Variants in DDX10 observed in about 807,000 individuals in gnomAD.
DDX10 encodes the protein DEAD-box helicase 10, also known as probable ATP-dependent RNA helicase DDX10.
A neutral mutation model predicts 104.3 loss-of-function variants in DDX10; 74 were observed. The ratio of observed to expected loss-of-function variants is 0.71; its 90% CI spans 0.59 to 0.86. The LOEUF (loss-of-function observed/expected upper bound fraction) is 0.86. Among genes scored for constraint, DDX10 ranks in the 40% least tolerant of loss-of-function variants. DDX10 has a pLI of 0.00. For missense variants in DDX10, 952 were observed against 1,040.0 expected (o/e 0.92, Z 1.16); for synonymous variants, 351 against 353.4 (o/e 0.99, Z 0.08).
intron 16 of DDX10, among the ~76,000 whole-genome samples, chr11:108,881,500 T>A (rs1863227009): frequency 6.6e-6 from 1 of 152,186 alleles, no homozygotes; most frequent in South Asian, 2.1e-4. Context: ...AACTTAAAGA[T>A]GGTTTGACTT....
intron 13 of DDX10, among the ~76,000 whole-genome samples, chr11:108,813,893 T>C (rs554953854): frequency 6.6e-6 from 1 of 152,322 alleles, no homozygotes; most frequent in South Asian, 2.1e-4. Flanking sequence ...TTTTGGTCTT[T>C]CTGTTTCATT....
rs569814773 is a variant in DDX10, at chr11:108,940,852, A to G, written c.*429A>G. On this transcript the variant is annotated 3_prime_UTR_variant, in exon 18 of 18. Coordinates refer to ENST00000322536, the MANE Select transcript of DDX10 (RefSeq NM_004398.4). ...ATTTAATATTTTCAAAGAGACTATGATGGACCAGCCCTGAGAAAGAATGAG... is the reference window on the plus strand; with the variant it reads ...ATTTAATATTTTCAAAGAGACTATGGTGGACCAGCCCTGAGAAAGAATGAG... 2.3e-5 allele frequency: 5 copies of G among 213,678 alleles called. No homozygotes were observed. The East Asian group carries it at 3.5e-4, about 15-fold the overall frequency. 13.2% of individuals were successfully genotyped at this position (213,678 alleles called of 1,614,324 possible). A position where few individuals can be genotyped will look rare whatever the true frequency, so the allele number is the denominator to read the frequency against.
chr11:108,733,658 C>T (rs755394410), intron 13 of DDX10, among the ~76,000 whole-genome samples: 3 of 152,018 alleles, frequency 2.0e-5, no homozygotes, highest in Non-Finnish European at 2.9e-5. Flanking sequence ...CTTTGATTCC[C>T]GTCATTTCTA....
chr11:108,810,899 G>A (rs1464263988), intron 13 of DDX10, among the ~76,000 whole-genome samples: 2 of 151,964 alleles, frequency 1.3e-5, no homozygotes, highest in East Asian at 3.9e-4. Context: ...AACCCGTTTC[G>A]CACCTCCCCT....
At chr11:108,700,970 G>A (rs1394162084) in intron 9 of DDX10, among the ~76,000 whole-genome samples, 1 of 151,754 alleles carries the variant, frequency 6.6e-6, no homozygotes, top group Non-Finnish European at 1.5e-5. Flanking sequence ...AGTGCTAGAA[G>A]CTTTCCATGC....
intron 13 of DDX10, among the ~76,000 whole-genome samples, chr11:108,798,336 G>A (rs1226278375): frequency 6.6e-6 from 1 of 152,120 alleles, no homozygotes; most frequent in Non-Finnish European, 1.5e-5. Flanking sequence ...CCATCTTTAA[G>A]TGTATGATTC....
chr11:108,745,104 C>T (rs971280772), intron 13 of DDX10, among the ~76,000 whole-genome samples: 4 of 116,942 alleles, frequency 3.4e-5, no homozygotes, highest in East Asian at 2.9e-4. Flanking sequence ...CCTCCCCTCC[C>T]CCTCCCCTTC....
chr11:108,882,488 C>T (rs1863240193), intron 16 of DDX10, among the ~76,000 whole-genome samples: 1 of 152,174 alleles, frequency 6.6e-6, no homozygotes, highest in South Asian at 2.1e-4. Context: ...ATCTGTTTGA[C>T]TAAAGAAGAC....
intron 6 of DDX10, among the ~76,000 whole-genome samples, chr11:108,679,889 A>G (rs941102421): frequency 2.2e-4 from 33 of 152,202 alleles, no homozygotes; most frequent in African/African-American, 7.7e-4. Flanking sequence ...AGTCAAAGTG[A>G]AACAGTTTTA....
Position 108,730,927 on chromosome 11 carries a change from A to C in DDX10, c.1965+7465A>C, listed in dbSNP as rs181003100. 3.4e-4 allele frequency among the ~76,000 whole-genome samples: 51 copies of C among 151,806 alleles called. No individual in the cohort carries two copies. The East Asian group carries it at 8.1e-3, about 24-fold the overall frequency. ...TATGAGGAACATTTTGGGGCAGTTG[A>C]TAGGATTTTTGATGCTAAACAAGGA... On this transcript the variant is annotated intron_variant, in intron 13 of 17. Transcript: ENST00000322536.
intron 16 of DDX10, among the ~76,000 whole-genome samples, chr11:108,857,468 T>C (rs1324283129): frequency 2.0e-5 from 3 of 152,204 alleles, no homozygotes; most frequent in Non-Finnish European, 4.4e-5. Context: ...CGTGGTCCCC[T>C]GTCTAGAGCA....
At chr11:108,856,478 AAAAAC>A (rs1312998075) in intron 16 of DDX10, among the ~76,000 whole-genome samples, 2 of 151,750 alleles carry the variant, frequency 1.3e-5, no homozygotes, top group Non-Finnish European at 2.9e-5. Context: ...ACAAAAAACA[AAAAAC>A]AAAACAAAAA....
At chr11:108,814,112 C>T (rs917150559) in intron 13 of DDX10, among the ~76,000 whole-genome samples, 1 of 152,128 alleles carries the variant, frequency 6.6e-6, no homozygotes, top group Non-Finnish European at 1.5e-5. Context: ...CCTTTACCTT[C>T]CACCCAAAGC....
intron 16 of DDX10, among the ~76,000 whole-genome samples, chr11:108,910,808 T>G (rs1161568167): frequency 1.4e-5 from 2 of 144,000 alleles, no homozygotes; most frequent in Non-Finnish European, 3.0e-5. Context: ...TGTCTGTGTC[T>G]GTGTGTGTCT....
intron 16 of DDX10, among the ~76,000 whole-genome samples, chr11:108,903,755 C>T (rs1011019440): frequency 3.9e-5 from 6 of 152,090 alleles, no homozygotes; most frequent in Non-Finnish European, 8.8e-5. Flanking sequence ...AACCAAGCCC[C>T]CACAGATACC....
At chr11:108,801,530 A>G (rs1862020393) in intron 13 of DDX10, among the ~76,000 whole-genome samples, 1 of 152,174 alleles carries the variant, frequency 6.6e-6, no homozygotes, top group Non-Finnish European at 1.5e-5. Context: ...ACTATGTGCT[A>G]TATCCTGATC....
intron 17 of DDX10, among the ~76,000 whole-genome samples, chr11:108,939,691 T>C (rs1345274617): frequency 6.6e-6 from 1 of 152,192 alleles, no homozygotes; most frequent in African/African-American, 2.4e-5. Flanking sequence ...TAATGTTTGC[T>C]TTCTTAAGGC....
intron 6 of DDX10, among the ~76,000 whole-genome samples, chr11:108,686,028 T>C (rs1591791406): frequency 6.6e-6 from 1 of 152,238 alleles, no homozygotes; most frequent in South Asian, 2.1e-4. Context: ...TTTTGCTCTT[T>C]TGTAAAACTT....
intron 12 of DDX10, among the ~76,000 whole-genome samples, chr11:108,721,171 T>C (rs942691271): frequency 6.6e-5 from 10 of 152,192 alleles, no homozygotes; most frequent in Non-Finnish European, 1.3e-4. Context: ...GCTGTCGTTT[T>C]CTATTCTCTG....
Sources: gnomAD v4.1 joint callset for allele counts (sites outside exome capture counted in the v4.1 genomes callset) on GRCh38, gnomAD v4.1.1 for gene constraint, MANE v1.5 for transcripts, NCBI Gene and HGNC (gene_info 2026-07-23, HGNC 2026-07-21) for gene names.